CCDC7: variants seen among roughly 807,000 people sequenced by gnomAD.
The protein encoded by CCDC7 is coiled-coil domain containing 7.
A neutral mutation model predicts 196.9 loss-of-function variants in CCDC7; 183 were observed. The ratio of observed to expected loss-of-function variants is 0.93; its 90% CI spans 0.82 to 1.05. The LOEUF (loss-of-function observed/expected upper bound fraction) is 1.05. Among genes scored for constraint, CCDC7 ranks in the 50% least tolerant of loss-of-function variants. The pLI, the probability that CCDC7 is intolerant of heterozygous loss-of-function variation, is 0.00. For missense variants in CCDC7, 1,540 were observed against 1,482.2 expected (o/e 1.04, Z -0.64); for synonymous variants, 525 against 484.6 (o/e 1.08, Z -1.10).
At chr10:32,809,886 C>G (rs2086697243) in intron 30 of CCDC7, among the ~76,000 whole-genome samples, 1 of 152,070 alleles carries the variant, frequency 6.6e-6, no homozygotes, top group Non-Finnish European at 1.5e-5. Flanking sequence ...TGGTATATAC[C>G]CAAAGGATTA....
Position 32,571,847 on chromosome 10 carries a change from T to G in CCDC7, c.1420-12T>G. The G allele has an allele frequency of 6.5e-7, 1 of 1,548,654 alleles. No individual in the cohort carries two copies. Among genetic ancestry groups the G allele is most frequent in the South Asian group, 1.3e-5 (1 of 78,202 alleles). ...CTTGATATTTTTAAATGTAGTATTA[T>G]CTTTATCACAGATCACTGCCCAAAG... On this transcript the variant is annotated splice_polypyrimidine_tract_variant and intron_variant, in intron 15 of 41. Transcript: ENST00000639629.
exon 35 of CCDC7, chr10:32,845,562 T>C: frequency 6.2e-7 from 1 of 1,612,042 alleles, no homozygotes; most frequent in Non-Finnish European, 8.5e-7. Context: ...AGAACTTCTT[T>C]GCCTATGCTA....
Position 32,609,595 on chromosome 10 carries a change from A to G in CCDC7, c.1802-24659A>G, listed in dbSNP as rs568155016. 3.9e-5 allele frequency among the ~76,000 whole-genome samples: 6 copies of G among 152,254 alleles called. No individual in the cohort carries two copies. The South Asian group carries it at 1.2e-3, about 32-fold the overall frequency. ...TATTCAAGGTTACTGTTGATACACA[A>G]GGGCTAATATGGTTTGGATCTGTGT... On this transcript the variant is annotated intron_variant, in intron 18 of 41. Transcript: ENST00000639629.
chr10:32,568,468 T>G (rs2057167254), intron 15 of CCDC7, among the ~76,000 whole-genome samples: 1 of 152,190 alleles, frequency 6.6e-6, no homozygotes, highest in African/African-American at 2.4e-5. Flanking sequence ...GTATAATTTT[T>G]ATTGTGAACT....
chr10:32,488,814 C>T (rs1431889901), intron 8 of CCDC7, among the ~76,000 whole-genome samples: 1 of 152,168 alleles, frequency 6.6e-6, no homozygotes, highest in African/African-American at 2.4e-5. Context: ...GATAGAGTCA[C>T]TTCTTCTAGA....
intron 21 of CCDC7, among the ~76,000 whole-genome samples, chr10:32,680,976 C>T (rs187906238): frequency 3.0e-4 from 46 of 152,308 alleles, no homozygotes; most frequent in African/African-American, 1.1e-3. Context: ...GGAACTATTA[C>T]AATGTGTACG....
intron 28 of CCDC7, among the ~76,000 whole-genome samples, chr10:32,746,001 A>T (rs1007697500): frequency 2.4e-4 from 37 of 152,272 alleles, no homozygotes; most frequent in African/African-American, 7.5e-4. Context: ...TTCATTTCAA[A>T]TTCCACTTGT....
chr10:32,527,443 T>C (rs1040589984), intron 11 of CCDC7, among the ~76,000 whole-genome samples: 2 of 152,088 alleles, frequency 1.3e-5, no homozygotes, highest in Admixed American at 6.6e-5. Flanking sequence ...TGTTAAAATT[T>C]GGTGTTCCAA....
intron 28 of CCDC7, among the ~76,000 whole-genome samples, chr10:32,763,864 C>A (rs1592507303): frequency 6.6e-6 from 1 of 151,776 alleles, no homozygotes; most frequent in East Asian, 1.9e-4. Flanking sequence ...CACAAAATTT[C>A]AGTTAGATAG....
At chr10:32,555,188 T>C (rs2054152981) in intron 13 of CCDC7, among the ~76,000 whole-genome samples, 2 of 152,156 alleles carry the variant, frequency 1.3e-5, no homozygotes, top group African/African-American at 4.8e-5. Flanking sequence ...ATATACTGAT[T>C]TCCTTTTTTT....
chr10:32,637,174 T>C (rs2065812531), intron 20 of CCDC7, among the ~76,000 whole-genome samples: 1 of 152,254 alleles, frequency 6.6e-6, no homozygotes, highest in Non-Finnish European at 1.5e-5. Flanking sequence ...TCCCATTCTG[T>C]AGGCTGCCTG....
intron 5 of CCDC7, among the ~76,000 whole-genome samples, chr10:32,466,736 A>G (rs2036874801): frequency 6.6e-6 from 1 of 152,150 alleles, no homozygotes; most frequent in African/African-American, 2.4e-5. Flanking sequence ...GTGAACATAC[A>G]CATGTACGTG....
chr10:32,635,717 T>C (rs962598985), intron 20 of CCDC7, among the ~76,000 whole-genome samples: 1 of 151,920 alleles, frequency 6.6e-6, no homozygotes, highest in Non-Finnish European at 1.5e-5. Flanking sequence ...CTGATTGGTA[T>C]TTGCATGATA....
chr10:32,804,442 A>G (rs1444036140), intron 29 of CCDC7, among the ~76,000 whole-genome samples: 1 of 152,176 alleles, frequency 6.6e-6, no homozygotes, highest in Non-Finnish European at 1.5e-5. Context: ...TCTACAAGAT[A>G]TCTTATTATT....
At chr10:32,698,751 G>A (rs2078144816) in intron 24 of CCDC7, among the ~76,000 whole-genome samples, 1 of 152,200 alleles carries the variant, frequency 6.6e-6, no homozygotes, top group African/African-American at 2.4e-5. Flanking sequence ...AAGTGACAGG[G>A]AGAATGGAAC....
chr10:32,823,349 C>G, intron 31 of CCDC7, among the ~76,000 whole-genome samples: 1 of 152,086 alleles, frequency 6.6e-6, no homozygotes, highest in Admixed American at 6.6e-5. Flanking sequence ...ACTATGTTGG[C>G]CAGGCTGGTC....
intron 18 of CCDC7, among the ~76,000 whole-genome samples, chr10:32,618,969 G>A (rs1336981619): frequency 2.0e-5 from 3 of 151,724 alleles, no homozygotes; most frequent in African/African-American, 4.8e-5. Flanking sequence ...TATCTGACTG[G>A]ATTATTTCAA....
chr10:32,560,253 A>G (rs1441547588), intron 13 of CCDC7, among the ~76,000 whole-genome samples: 2 of 152,248 alleles, frequency 1.3e-5, no homozygotes, highest in African/African-American at 4.8e-5. Flanking sequence ...ACTCTGCAAG[A>G]TATTATCCAG....
At chr10:32,795,413 A>G in intron 29 of CCDC7, among the ~76,000 whole-genome samples, 1 of 152,110 alleles carries the variant, frequency 6.6e-6, no homozygotes, top group East Asian at 1.9e-4. Flanking sequence ...GATTTGTTTG[A>G]TTTTTAAAAT....
Sources: gnomAD v4.1 joint callset for allele counts (sites outside exome capture counted in the v4.1 genomes callset) on GRCh38, gnomAD v4.1.1 for gene constraint, MANE v1.5 for transcripts, NCBI Gene and HGNC (gene_info 2026-07-23, HGNC 2026-07-21) for gene names.